The following CHM variants were observed in gnomAD, a reference collection of about 807,000 sequenced individuals.
CHM encodes CHM Rab escort protein.
A neutral mutation model predicts 49.0 loss-of-function variants in CHM; 10 were observed. The ratio of observed to expected loss-of-function variants is 0.20; its 90% CI spans 0.13 to 0.35. CHM has a LOEUF of 0.35. CHM is among the 10% of genes least tolerant of loss of function. The pLI, the probability that CHM is intolerant of heterozygous loss-of-function variation, is 1.00. For missense variants in CHM, 455 were observed against 478.4 expected (o/e 0.95, Z 0.46); for synonymous variants, 184 against 167.5 (o/e 1.10, Z -0.76).
Position 85,945,570 on chromosome X carries a change from T to A in CHM, c.1166+10583A>T, listed in dbSNP as rs72633125. On this transcript the variant is annotated intron_variant, in intron 8 of 14. Transcript: ENST00000357749. ...GCACCATGCTTCCTATGGTGCTGCA[T>A]CCTTCCTAAAGGCTGCAGAACTGTA... Among the ~76,000 whole-genome samples, 11 of 104,203 alleles carry A rather than the reference T, an allele frequency of 1.1e-4. No individual in the cohort carries two copies. In the East Asian group the frequency reaches 3.4e-3, roughly 32 times the overall value. The allele number at this position is 104,203 out of a possible 115,157, so 90.5% of individuals were successfully genotyped here.
intron 8 of CHM, among the ~76,000 whole-genome samples, chrX:85,929,116 G>A (rs1396258582): frequency 9.0e-6 from 1 of 111,588 alleles, no homozygotes; most frequent in African/African-American, 3.3e-5. Context: ...GAAGCACAGT[G>A]ATACATCAAA....
At position 85,873,974 on chromosome X, in the gene CHM, T is replaced by C. The variant is rs12014773; in HGVS notation, c.1610-762A>G. 9.2e-3 allele frequency among the ~76,000 whole-genome samples: 1,021 copies of C among 111,417 alleles called. 14 individuals carry two copies. The highest frequency in any genetic ancestry group is 0.031 in the African/African-American group (962 of 30,727). On this transcript the variant is annotated intron_variant, in intron 13 of 14. Transcript: ENST00000357749. ...GCACATGTTCTCTCATTTAAGAGCA[T>C]GTGTCTTTTATGCGTGTTAGGCATT...
At chrX:85,912,850 C>T (rs1430178227) in intron 8 of CHM, among the ~76,000 whole-genome samples, 1 of 107,345 alleles carries the variant, frequency 9.3e-6, no homozygotes, top group Admixed American at 1.0e-4. Context: ...CCCGTCTCTA[C>T]TAAAAATACA....
intron 8 of CHM, among the ~76,000 whole-genome samples, chrX:85,942,950 C>T (rs1929204011): frequency 1.1e-5 from 1 of 91,796 alleles, no homozygotes; most frequent in African/African-American, 4.1e-5. Context: ...GTGATGTTCC[C>T]CTTCCTGTGT....
intron 2 of CHM, among the ~76,000 whole-genome samples, chrX:85,994,931 T>A (rs1932370169): frequency 9.0e-6 from 1 of 111,487 alleles, no homozygotes; most frequent in African/African-American, 3.3e-5. Flanking sequence ...ATTTTTCTAG[T>A]CATATAAAAG....
chrX:85,962,503 T>C (rs1424064763), intron 5 of CHM, among the ~76,000 whole-genome samples: 1 of 112,139 alleles, frequency 8.9e-6, no homozygotes, highest in Non-Finnish European at 1.9e-5. Flanking sequence ...AGTATGAGGA[T>C]ATGGGATTTG....
chrX:85,934,917 G>C (rs1410854131), intron 8 of CHM, among the ~76,000 whole-genome samples: 3 of 111,781 alleles, frequency 2.7e-5, no homozygotes, highest in Non-Finnish European at 5.7e-5. Context: ...CATTAAAATT[G>C]TTATGAATGT....
intron 2 of CHM, among the ~76,000 whole-genome samples, chrX:85,990,112 G>A (rs778408989): frequency 4.5e-5 from 5 of 112,263 alleles, no homozygotes; most frequent in Non-Finnish European, 9.4e-5. Context: ...TGACGGACTG[G>A]ATAAAGAAAA....
intron 8 of CHM, among the ~76,000 whole-genome samples, chrX:85,940,532 G>T (rs141634274): frequency 9.0e-6 from 1 of 110,591 alleles, no homozygotes; most frequent in Non-Finnish European, 1.9e-5. Context: ...TTGGGTGAAG[G>T]TAGTGGCATC....
chrX:85,957,811 GAA>G lies in CHM; in HGVS notation c.940+42_940+43del, dbSNP rs781359136. Reference sequence around the variant, plus strand: ...CAGAGCAAGCATATTAAAATAGTAAGAAATGTCAAATAATTGGAGAGCACTAC... The same window carrying G: ...CAGAGCAAGCATATTAAAATAGTAAGATGTCAAATAATTGGAGAGCACTAC... On this transcript the variant is annotated intron_variant, in intron 7 of 14. Coordinates refer to ENST00000357749, the MANE Select transcript of CHM (RefSeq NM_000390.4). The G allele has an allele frequency of 5.1e-6, 6 of 1,182,009 alleles. No individual in the cohort carries two copies. The East Asian group carries it at 1.8e-4, about 36-fold the overall frequency.
chrX:86,043,065 G>C (rs985928744), intron 1 of CHM, among the ~76,000 whole-genome samples: 2 of 111,831 alleles, frequency 1.8e-5, no homozygotes, highest in Non-Finnish European at 3.8e-5. Flanking sequence ...TTCTTAAAAA[G>C]ACTACACAGA....
At chrX:85,976,797 T>C in intron 4 of CHM, among the ~76,000 whole-genome samples, 2 of 109,830 alleles carry the variant, frequency 1.8e-5, no homozygotes, top group Middle Eastern at 4.6e-3. Flanking sequence ...CATGTGGTTC[T>C]CAGTTTGCTT....
At position 86,041,726 on chromosome X, in the gene CHM, G is replaced by GTATA. The variant is rs3078104; in HGVS notation, c.49+5754_49+5757dup. Among the ~76,000 whole-genome samples the GTATA allele has an allele frequency of 7.4e-3, 619 of 83,671 alleles. 14 individuals are homozygous for GTATA. Among genetic ancestry groups the GTATA allele is most frequent in the East Asian group, 0.035 (88 of 2,538 alleles). 72.7% of individuals were successfully genotyped at this position (83,671 alleles called of 115,157 possible). On this transcript the variant is annotated intron_variant, in intron 1 of 14. Coordinates refer to ENST00000357749, the MANE Select transcript of CHM (RefSeq NM_000390.4). ...TATATGTTATATATATGGTGTGTGTGTATATATATATATATATATATATAT... is the reference window on the plus strand; with the variant it reads ...TATATGTTATATATATGGTGTGTGTGTATATATATATATATATATATATATATAT...
chrX:86,010,472 T>C (rs1000251721), intron 2 of CHM, among the ~76,000 whole-genome samples: 1 of 110,823 alleles, frequency 9.0e-6, no homozygotes, highest in Non-Finnish European at 1.9e-5. Flanking sequence ...ATATAAGATA[T>C]TAGCATTAGG....
intron 8 of CHM, among the ~76,000 whole-genome samples, chrX:85,920,297 C>T (rs1056251193): frequency 1.0e-4 from 11 of 109,954 alleles, no homozygotes; most frequent in Non-Finnish European, 1.5e-4. Flanking sequence ...GGGGTTTCAC[C>T]GTGTTAGCCA....
chrX:85,907,382 T>C lies in CHM; in HGVS notation c.1244+3879A>G, dbSNP rs1045121993. Among the ~76,000 whole-genome samples, 3 of 111,709 alleles carry C rather than the reference T, an allele frequency of 2.7e-5. No homozygotes were observed. The Admixed American group carries it at 2.8e-4, about 11-fold the overall frequency. ...ATATATCAAATACTATACTACTAAA[T>C]GGCCAGATCTAATTTACCGGAGTTT... is the stretch of plus-strand genomic sequence containing the variant. On this transcript the variant is annotated intron_variant, in intron 9 of 14. Coordinates refer to ENST00000357749, the MANE Select transcript of CHM (RefSeq NM_000390.4).
chrX:85,986,222 A>G (rs997535956), intron 2 of CHM, among the ~76,000 whole-genome samples: 2 of 110,709 alleles, frequency 1.8e-5, no homozygotes, highest in African/African-American at 6.6e-5. Context: ...GCTGACCTGC[A>G]TCTCTCTGGG....
At chrX:85,969,552 C>A in intron 4 of CHM, 1 of 285,919 alleles carries the variant, frequency 3.5e-6, no homozygotes, top group African/African-American at 2.9e-5. Context: ...AGAAGTTCCT[C>A]AAAAAATTAA....
chrX:86,015,579 G>C lies in CHM; in HGVS notation c.116+11912C>G, dbSNP rs560763561. 1.3e-4 allele frequency among the ~76,000 whole-genome samples: 15 copies of C among 111,986 alleles called. 1 individual carries two copies. In the East Asian group the frequency reaches 4.0e-3, roughly 30 times the overall value. On this transcript the variant is annotated intron_variant, in intron 2 of 14. Coordinates refer to ENST00000357749, the MANE Select transcript of CHM (RefSeq NM_000390.4). ...GAAAAAGACAGGAAAATGTGGGAAAGTTTGGAACTTCTTAGAGATTTGTTG... is the reference window on the plus strand; with the variant it reads ...GAAAAAGACAGGAAAATGTGGGAAACTTTGGAACTTCTTAGAGATTTGTTG...
Sources: allele counts gnomAD v4.1 joint callset (sites outside exome capture counted in the v4.1 genomes callset), GRCh38; gene constraint gnomAD v4.1.1; transcripts MANE v1.5; gene names NCBI Gene and HGNC (gene_info 2026-07-23, HGNC 2026-07-21).